STK25: variants seen among roughly 807,000 people sequenced by gnomAD.
STK25 encodes the protein serine/threonine kinase 25, also known as serine/threonine-protein kinase 25.
In STK25, 29 loss-of-function variants were observed where a neutral mutation model predicts 53.8. The ratio of observed to expected loss-of-function variants is 0.54; its 90% CI spans 0.40 to 0.74. STK25 has a LOEUF of 0.74. Among genes scored for constraint, STK25 ranks in the 30% least tolerant of loss-of-function variants. The pLI, the probability that STK25 is intolerant of heterozygous loss-of-function variation, is 0.00. For synonymous variants in STK25, 247 were observed against 238.3 expected (o/e 1.04, Z -0.33); for missense variants, 420 against 568.0 (o/e 0.74, Z 2.65).
chr2:241,504,089 CTG>C (rs1559841425), intron 2 of STK25: 1 of 471,194 alleles, frequency 2.1e-6, no homozygotes, highest in Non-Finnish European at 4.4e-6. Flanking sequence ...CTCGAGGTGA[CTG>C]GAACTCTGGG....
At position 241,507,913 on chromosome 2, in the gene STK25, C is replaced by A. The variant is rs2065940565; in HGVS notation, c.30+93G>T. 3 of 1,330,948 alleles carry A rather than the reference C, an allele frequency of 2.3e-6. No individual in the cohort carries two copies. In the African/African-American group the frequency reaches 4.5e-5, roughly 20 times the overall value. 82.4% of individuals were successfully genotyped at this position (1,330,948 alleles called of 1,614,324 possible). A position where few individuals can be genotyped will look rare whatever the true frequency, so the allele number is the denominator to read the frequency against. On this transcript the variant is annotated intron_variant, in intron 2 of 11. Transcript: ENST00000316586. ...GCGCTCCTTCCCTCACCCCACTGCC[C>A]GCTCCGGCGTGGCGCTCCCCTCTGA... is the stretch of plus-strand genomic sequence containing the variant.
chr2:241,499,760 A>C, intron 5 of STK25: 1 of 471,994 alleles, frequency 2.1e-6, no homozygotes, highest in Non-Finnish European at 3.9e-6. Context: ...CCCCTGCTCC[A>C]CCAGAATCGT....
chr2:241,493,513 A>C lies in STK25; in HGVS notation c.*2149T>G. 12 of 1,481,890 alleles carry C rather than the reference A, an allele frequency of 8.1e-6. No individual in the cohort carries two copies. Among genetic ancestry groups the C allele is most frequent in the Non-Finnish European group, 1.0e-5 (11 of 1,066,886 alleles). The allele number at this position is 1,481,890 out of a possible 1,614,324, so 91.8% of individuals were successfully genotyped here. On this transcript the variant is annotated 3_prime_UTR_variant, in exon 12 of 12. Transcript: ENST00000316586. ...GTCCGCTCAGCTCCCATTTCTACTCATGGTGGTGGAGGCAAGTTTTCTGGG... is the reference window on the plus strand; with the variant it reads ...GTCCGCTCAGCTCCCATTTCTACTCCTGGTGGTGGAGGCAAGTTTTCTGGG...
intron 4 of STK25, 73 bp from the exon 5 acceptor site, chr2:241,500,354 C>T (rs545317708): frequency 9.3e-7 from 1 of 1,072,620 alleles, no homozygotes; most frequent in Non-Finnish European, 1.4e-6. Context: ...CTGCCTCTCT[C>T]ACAGGGAAGG....
Position 241,508,557 on chromosome 2 carries a change from G to C in STK25, c.-215C>G, listed in dbSNP as rs1050612052. ...CGGGCCTCCCAGCCCGCGAAGCAAC[G>C]GTGGTGGCGGCAGCGACCGGAGAAA... On this transcript the variant is annotated 5_prime_UTR_variant, in exon 1 of 12. Transcript: ENST00000316586. 3 of 993,566 alleles carry C rather than the reference G, an allele frequency of 3.0e-6. No individual in the cohort carries two copies. The South Asian group carries it at 1.3e-4, about 42-fold the overall frequency. The allele number at this position is 993,566 out of a possible 1,614,324, so 61.5% of individuals were successfully genotyped here.
chr2:241,503,894 G>T, intron 2 of STK25: 1 of 415,238 alleles, frequency 2.4e-6, no homozygotes, highest in Admixed American at 2.7e-5. Context: ...GTCCACCCCA[G>T]GCCTAAGCCC....
upstream of STK25, chr2:241,508,724 C>T (rs2066010730): frequency 1.4e-5 from 14 of 984,428 alleles, no homozygotes; most frequent in Non-Finnish European, 1.6e-5. Flanking sequence ...CGAGAGGGGG[C>T]CGGGGCTCGC....
At position 241,498,991 on chromosome 2, in the gene STK25, A is replaced by ATCGGGGGTC; in HGVS notation, c.760_768dup (p.Asp254_Arg256dup). On this transcript the variant is annotated inframe_insertion, in exon 7 of 12. Coordinates refer to ENST00000316586, the MANE Select transcript of STK25 (RefSeq NM_001271977.2). ...ACCGGGCCAGAGGCGGGCCTTACGA[A>ATCGGGGGTC]TCGGGGGTCTTTGTTGAGGCAGGCC... 6.2e-7 allele frequency: 1 copy of ATCGGGGGTC among 1,613,730 alleles called. No homozygotes were observed. The highest frequency in any genetic ancestry group is 8.5e-7 in the Non-Finnish European group (1 of 1,179,802).
At chr2:241,499,977 C>T (rs761412175) in intron 5 of STK25, 196 bp downstream of exon 5, 29 of 680,470 alleles carry the variant, frequency 4.3e-5, no homozygotes, top group Non-Finnish European at 6.5e-5. Context: ...GTTTCCTCAG[C>T]GTACAAGGAA....
At chr2:241,507,514 G>A (rs1289506505) in intron 2 of STK25, among the ~76,000 whole-genome samples, 3 of 152,212 alleles carry the variant, frequency 2.0e-5, no homozygotes, top group Non-Finnish European at 4.4e-5. Flanking sequence ...TGCTTTCCCT[G>A]CACACCGGCC....
intron 2 of STK25, among the ~76,000 whole-genome samples, chr2:241,505,815 G>A (rs1205233478): frequency 6.6e-6 from 1 of 152,076 alleles, no homozygotes; most frequent in Non-Finnish European, 1.5e-5. Context: ...ACCCCCACCT[G>A]GAGAAGAAAG....
rs1452169433 is a variant in STK25 at position 241,496,271 on chromosome 2, C to T, written c.1241+127G>A. 1.6e-5 allele frequency: 20 copies of T among 1,219,840 alleles called. No individual in the cohort carries two copies. The highest frequency in any genetic ancestry group is 2.1e-5 in the Non-Finnish European group (18 of 864,530). 75.6% of individuals were successfully genotyped at this position (1,219,840 alleles called of 1,614,324 possible). ...GGAAGAGGATGCCACGCCGCGCCTT[C>T]CCAGAGTGAAGCGAGCCCATGTAGT... On this transcript the variant is annotated intron_variant, in intron 11 of 11. Transcript: ENST00000316586. The surrounding 1 kb of genome is among the most constrained non-coding windows in gnomAD (Gnocchi z 5.8).
In STK25 at chr2:241,499,302, G is replaced by A; in HGVS notation, c.540C>T (p.Phe180=). The change falls in exon 6 of 12, where the codon TTC becomes TTT. Residue 180 remains phenylalanine, a synonymous_variant. Coordinates refer to ENST00000316586, the MANE Select transcript of STK25 (RefSeq NM_001271977.2). ...GCTTGATGACCTCAGGTGCCATCCA[G>A]AAGGGGGTGCCCACGAATGTGTTCC... ...IKRNTFVGTP[F]WMAPEVIKQS... is the part of the protein sequence containing the mutation. 1 of 1,614,076 alleles carries A rather than the reference G, an allele frequency of 6.2e-7. No homozygotes were observed. The highest frequency in any genetic ancestry group is 8.5e-7 in the Non-Finnish European group (1 of 1,180,008).
In STK25 at chr2:241,501,998, T is replaced by A. The variant is rs2065541485; in HGVS notation, c.31-290A>T. On this transcript the variant is annotated intron_variant, in intron 2 of 11. Coordinates refer to ENST00000316586, the MANE Select transcript of STK25 (RefSeq NM_001271977.2). This position sits in a 1 kb window ranked among gnomAD's most constrained non-coding sequence, Gnocchi z 5.3. Reference sequence around the variant, plus strand: ...GCCTGGCCAGCATGGTGAAACCCCATCTCTAATACAAAAAAATTATCTGGG... The same window carrying A: ...GCCTGGCCAGCATGGTGAAACCCCAACTCTAATACAAAAAAATTATCTGGG... 3.1e-6 allele frequency: 1 copy of A among 326,496 alleles called. No homozygotes were observed. The highest frequency in any genetic ancestry group is 2.1e-5 in the African/African-American group (1 of 47,016). 20.2% of individuals were successfully genotyped at this position (326,496 alleles called of 1,614,324 possible). A position where few individuals can be genotyped will look rare whatever the true frequency, so the allele number is the denominator to read the frequency against.
In STK25 at chr2:241,498,729, T is replaced by G. The variant is rs759935751; in HGVS notation, c.827A>C (p.Lys276Thr). ...GATGAGCTCCGTGAGGAAGGAGGTC[T>G]TCTTGGTGTAGCGTGTGATGAACTT... Reference protein sequence around the residue: ...KHKFITRYTKKTSFLTELIDR... With the variant: ...KHKFITRYTKTTSFLTELIDR... Residue 276 changes from lysine (K) to threonine (T), a missense_variant, in exon 8 of 12, where the codon AAG (lysine) becomes ACG (threonine). Transcript: ENST00000316586. The G allele has an allele frequency of 1.2e-6, 2 of 1,614,146 alleles. No individual in the cohort carries two copies. Among genetic ancestry groups the G allele is most frequent in the Non-Finnish European group, 1.7e-6 (2 of 1,180,030 alleles).
chr2:241,498,597 C>A (rs768951436), intron 8 of STK25, 42 bp downstream of exon 8: 6 of 1,584,116 alleles, frequency 3.8e-6, no homozygotes, highest in Non-Finnish European at 5.2e-6. Flanking sequence ...CCACCCACGT[C>A]ACAGCACCTA....
intron 2 of STK25, among the ~76,000 whole-genome samples, chr2:241,502,976 G>C (rs1030680388): frequency 2.6e-5 from 4 of 152,180 alleles, no homozygotes; most frequent in African/African-American, 9.7e-5. Flanking sequence ...AAAAGTTTCT[G>C]AGCCAGTGGT....
At chr2:241,497,737 C>T (rs931814644) in intron 9 of STK25, 50 bp from the exon 10 acceptor site, 27 of 1,561,852 alleles carry the variant, frequency 1.7e-5, no homozygotes, top group Non-Finnish European at 1.8e-6. Flanking sequence ...AGGTGACAGG[C>T]AGGGCACTCC....
At chr2:241,503,977 T>G (rs1381068588) in intron 2 of STK25, 4 of 468,818 alleles carry the variant, frequency 8.5e-6, no homozygotes, top group Non-Finnish European at 1.8e-5. Flanking sequence ...AAACTGCCAA[T>G]TAGCTGACCT....
Sources: allele counts gnomAD v4.1 joint callset (sites outside exome capture counted in the v4.1 genomes callset), GRCh38; gene constraint gnomAD v4.1.1; non-coding constraint Gnocchi (gnomAD v3.1); transcripts MANE v1.5; gene names NCBI Gene and HGNC (gene_info 2026-07-23, HGNC 2026-07-21).